Variants in CADPS2 observed in about 807,000 individuals in gnomAD.
CADPS2 encodes calcium-dependent secretion activator 2.
CADPS2 carries 93 observed loss-of-function variants against 172.5 expected under a neutral mutation model. The ratio of observed to expected loss-of-function variants is 0.54; its 90% CI spans 0.46 to 0.64. CADPS2 has a LOEUF of 0.64. Ranked by LOEUF, CADPS2 falls within the 30% of genes least tolerant of loss-of-function variation. CADPS2 has a pLI of 0.00. For synonymous variants in CADPS2, 546 were observed against 555.2 expected (o/e 0.98, Z 0.23); for missense variants, 1,420 against 1,565.9 (o/e 0.91, Z 1.57).
chr7:122,506,186 G>C (rs1191503707), intron 9 of CADPS2, among the ~76,000 whole-genome samples: 1 of 152,164 alleles, frequency 6.6e-6, no homozygotes, highest in African/African-American at 2.4e-5. Context: ...GACCTATTCT[G>C]ATCCGGTATT....
intron 6 of CADPS2, among the ~76,000 whole-genome samples, chr7:122,608,650 C>T (rs2073903586): frequency 6.6e-6 from 1 of 152,088 alleles, no homozygotes; most frequent in Admixed American, 6.6e-5. Context: ...CTTATTGCTT[C>T]TTGTCTTTTT....
intron 5 of CADPS2, among the ~76,000 whole-genome samples, chr7:122,616,919 C>T (rs772726095): frequency 6.6e-6 from 1 of 152,142 alleles, no homozygotes; most frequent in Non-Finnish European, 1.5e-5. Context: ...GGACTTACCA[C>T]CATTTCTCTA....
intron 2 of CADPS2, among the ~76,000 whole-genome samples, chr7:122,703,236 G>A (rs2086452476): frequency 6.6e-6 from 1 of 152,132 alleles, no homozygotes; most frequent in South Asian, 2.1e-4. Flanking sequence ...CTAGCTGTAA[G>A]GCAAAGGCAA....
chr7:122,596,846 A>C (rs1332878242), intron 6 of CADPS2, among the ~76,000 whole-genome samples: 1 of 152,108 alleles, frequency 6.6e-6, no homozygotes, highest in African/African-American at 2.4e-5. Context: ...GTTGCTATAA[A>C]GAAATACCTG....
At chr7:122,488,314 G>C (rs2058019129) in intron 11 of CADPS2, among the ~76,000 whole-genome samples, 1 of 152,226 alleles carries the variant, frequency 6.6e-6, no homozygotes, top group Admixed American at 6.5e-5. Context: ...TGCAGGCACA[G>C]TCCAGGGATA....
intron 3 of CADPS2, among the ~76,000 whole-genome samples, chr7:122,638,317 C>G (rs189856503): frequency 1.3e-5 from 2 of 152,110 alleles, no homozygotes; most frequent in African/African-American, 2.4e-5. Context: ...AGAGGGAGGG[C>G]GTCCTCCCCA....
chr7:122,415,116 T>C (rs1305281456), intron 18 of CADPS2, among the ~76,000 whole-genome samples: 1 of 152,212 alleles, frequency 6.6e-6, no homozygotes, highest in East Asian at 1.9e-4. Context: ...TGAATGTTAA[T>C]ATGTAATTAG....
chr7:122,450,521 CTTTTTTTTTTTTT>C (rs11422329), intron 15 of CADPS2, among the ~76,000 whole-genome samples: 2 of 79,130 alleles, frequency 2.5e-5, no homozygotes, highest in African/African-American at 9.4e-5. Flanking sequence ...TATTGGTGGC[CTTTTTTTTTTTTT>C]TTTTTTTTTT....
intron 9 of CADPS2, among the ~76,000 whole-genome samples, chr7:122,506,536 CAT>C (rs1563539236): frequency 6.6e-6 from 1 of 152,150 alleles, no homozygotes; most frequent in Non-Finnish European, 1.5e-5. Context: ...TGTGTCCACA[CAT>C]GTTAAGTGCT....
chr7:122,327,720 T>C (rs1342987453), intron 28 of CADPS2, among the ~76,000 whole-genome samples: 3 of 152,012 alleles, frequency 2.0e-5, no homozygotes, highest in Admixed American at 6.6e-5. Flanking sequence ...CATTTATATA[T>C]AACTTATTTA....
At chr7:122,486,327 C>A (rs10237999) in intron 11 of CADPS2, among the ~76,000 whole-genome samples, 61,542 of 151,876 alleles carry the variant, frequency 0.41, 12,771 homozygotes, top group African/African-American at 0.49. Context: ...GATTCTTGGG[C>A]GGAGGTAAAA....
intron 3 of CADPS2, among the ~76,000 whole-genome samples, chr7:122,645,362 TAC>T (rs1356420993): frequency 9.2e-6 from 1 of 109,010 alleles, no homozygotes; most frequent in African/African-American, 3.0e-5. Context: ...TGTATACATG[TAC>T]ATGTATACAC....
chr7:122,429,173 G>C (rs2049563673), intron 17 of CADPS2, among the ~76,000 whole-genome samples: 1 of 151,624 alleles, frequency 6.6e-6, no homozygotes, highest in African/African-American at 2.4e-5. Context: ...ATTAAAAGTG[G>C]TGATATTTTT....
At chr7:122,836,576 T>C (rs1808503576) in intron 1 of CADPS2, among the ~76,000 whole-genome samples, 1 of 151,986 alleles carries the variant, frequency 6.6e-6, no homozygotes, top group Non-Finnish European at 1.5e-5. Context: ...AATAAAGGGA[T>C]GGAGGAAGAT....
intron 15 of CADPS2, among the ~76,000 whole-genome samples, chr7:122,447,420 T>A (rs2052401157): frequency 6.6e-6 from 1 of 152,034 alleles, no homozygotes; most frequent in Non-Finnish European, 1.5e-5. Context: ...GTTGAAGCAT[T>A]TTCTGACATG....
At chr7:122,616,675 G>A (rs1035099936) in intron 5 of CADPS2, among the ~76,000 whole-genome samples, 4 of 152,060 alleles carry the variant, frequency 2.6e-5, no homozygotes, top group African/African-American at 7.2e-5. Context: ...AAAATTAATG[G>A]AGAATTGATA....
intron 6 of CADPS2, among the ~76,000 whole-genome samples, chr7:122,587,337 C>T (rs1265046775): frequency 6.6e-6 from 1 of 152,004 alleles, no homozygotes; most frequent in East Asian, 1.9e-4. Context: ...CACTGCTCAG[C>T]TCCCACATAT....
rs143005909 is a variant in CADPS2, at chr7:122,868,861, A to C, written c.339+17138T>G. On this transcript the variant is annotated intron_variant, in intron 1 of 29. Coordinates refer to ENST00000449022, the MANE Select transcript of CADPS2 (RefSeq NM_017954.11). ...TTCAACGAAGAGATAGAACATATTA[A>C]AAACTACTAAACAGAAATCATTGAG... 2.0e-3 allele frequency among the ~76,000 whole-genome samples: 300 copies of C among 152,316 alleles called. 2 individuals are homozygous for C. The highest frequency in any genetic ancestry group is 6.9e-3 in the African/African-American group (286 of 41,594).
intron 29 of CADPS2, among the ~76,000 whole-genome samples, chr7:122,321,045 G>A (rs928539507): frequency 1.3e-5 from 2 of 152,114 alleles, no homozygotes; most frequent in African/African-American, 4.8e-5. Context: ...ATCAAAAATA[G>A]AGTACCATGT....
Sources: allele counts gnomAD v4.1 joint callset (sites outside exome capture counted in the v4.1 genomes callset), GRCh38; gene constraint gnomAD v4.1.1; transcripts MANE v1.5; gene names NCBI Gene and HGNC (gene_info 2026-07-23, HGNC 2026-07-21).